Variants in CIITA observed in about 807,000 individuals in gnomAD.
CIITA encodes the protein MHC class II transactivator.
Under a neutral mutation model 115.1 loss-of-function variants are expected in CIITA, and 72 were observed. The ratio of observed to expected loss-of-function variants is 0.63; its 90% CI spans 0.52 to 0.76. The LOEUF (loss-of-function observed/expected upper bound fraction) is 0.76. CIITA is among the 30% of genes least tolerant of loss of function. The pLI is 0.00. For synonymous variants in CIITA, 763 were observed against 635.6 expected, an observed-to-expected ratio of 1.20 and a Z score of -3.02; for missense variants, 1,617 against 1,463.8, an observed-to-expected ratio of 1.10 and a Z score of -1.71.
At chr16:10,896,029 C>T (rs772790157) in intron 3 of CIITA, among the ~76,000 whole-genome samples, 12 of 152,174 alleles carry the variant, frequency 7.9e-5, no homozygotes, top group South Asian at 2.1e-4. Flanking sequence ...CATTTCTATA[C>T]GCATTTCTGC....
At chr16:10,889,412 C>G (rs182632681) in intron 1 of CIITA, among the ~76,000 whole-genome samples, 66 of 152,316 alleles carry the variant, frequency 4.3e-4, no homozygotes, top group Admixed American at 3.9e-3. Context: ...TTGACACCCT[C>G]TAATGTAATG....
At chr16:10,910,059 C>A (rs964745791) in intron 12 of CIITA, 129 bp from the exon 13 acceptor site, 2 of 740,736 alleles carry the variant, frequency 2.7e-6, no homozygotes, top group East Asian at 5.4e-5. Flanking sequence ...AAGAGGGGGA[C>A]AACAGTTGCC....
At position 10,918,475 on chromosome 16, in the gene CIITA, A is replaced by G. The variant is rs1567443606; in HGVS notation, c.3098A>G (p.Tyr1033Cys). The G allele has an allele frequency of 3.1e-6, 5 of 1,614,184 alleles. No individual in the cohort carries two copies. The highest frequency in any genetic ancestry group is 4.2e-6 in the Non-Finnish European group (5 of 1,180,022). The change falls in exon 16 of 20, where the codon TAC (tyrosine) becomes TGC (cysteine). Residue 1033 changes from tyrosine (Y) to cysteine (C), a missense_variant. Tyr to Cys is a radical substitution (Grantham distance 194). Coordinates refer to ENST00000324288, the MANE Select transcript of CIITA (RefSeq NM_000246.4). The part of the protein sequence containing the change: ...SQNNITDLGA[Y>C]KLAEALPSLA... ...AACAACATCACTGACCTGGGTGCCT[A>G]CAAACTCGCCGAGGCCCTGCCTTCG...
chr16:10,942,915 T>C lies in CIITA; in HGVS notation n.2041T>C, dbSNP rs1171373113. 2 of 152,216 alleles carry C rather than the reference T, an allele frequency of 1.3e-5. No homozygotes were observed. The highest frequency in any genetic ancestry group is 2.9e-5 in the Non-Finnish European group (2 of 68,046). The allele number at this position is 152,216 out of a possible 1,614,324, so 9.4% of individuals were successfully genotyped here. Reference sequence around the variant, plus strand: ...GATCCACCAGTGTCCCCTTCGCTTCTCCAAACTCTGGTTGCTGGAAGGTCC... The same window carrying C: ...GATCCACCAGTGTCCCCTTCGCTTCCCCAAACTCTGGTTGCTGGAAGGTCC... On this transcript the variant is annotated non_coding_transcript_exon_variant, in exon 2 of 2. Coordinates refer to the CIITA transcript ENST00000573379. The surrounding 1 kb of genome is among the most constrained non-coding windows in gnomAD (Gnocchi z 5.0).
chr16:10,895,660 T>C lies in CIITA; in HGVS notation c.200-9T>C, dbSNP rs778238111. ...TTTCCTTCTTCATCCAAGGGACTTT[T>C]CCTCCCAGAACCCGACACAGACACC... On this transcript the variant is annotated splice_polypyrimidine_tract_variant and intron_variant, in intron 2 of 19. Coordinates refer to ENST00000324288, the MANE Select transcript of CIITA (RefSeq NM_000246.4). The C allele has an allele frequency of 3.1e-6, 5 of 1,614,086 alleles. No homozygotes were observed. The East Asian group carries it at 1.1e-4, about 36-fold the overall frequency.
chr16:10,876,101 G>A (rs541437787), upstream of CIITA, among the ~76,000 whole-genome samples: 3 of 152,262 alleles, frequency 2.0e-5, no homozygotes, highest in South Asian at 4.1e-4. Flanking sequence ...AGGTTGCAGC[G>A]AGCCAAGATC....
At chr16:10,867,274 G>A (rs1000614404) in intron 1 of CIITA, among the ~76,000 whole-genome samples, 2 of 145,422 alleles carry the variant, frequency 1.4e-5, no homozygotes, top group African/African-American at 4.9e-5. Flanking sequence ...GGGGTGCAGA[G>A]AAAGGAGGAG....
intron 1 of CIITA, among the ~76,000 whole-genome samples, chr16:10,894,925 G>A (rs2037968458): frequency 6.6e-6 from 1 of 152,196 alleles, no homozygotes; most frequent in African/African-American, 2.4e-5. Flanking sequence ...TATTAAATGT[G>A]CCAGCTCATG....
chr16:10,906,253 G>A (rs1405528930), intron 10 of CIITA, among the ~76,000 whole-genome samples: 1 of 152,180 alleles, frequency 6.6e-6, no homozygotes, highest in Non-Finnish European at 1.5e-5. Flanking sequence ...CCAGCTACTT[G>A]GGAGGTGGAG....
chr16:10,895,418 G>C lies in CIITA; in HGVS notation c.189G>C (p.Glu63Asp). The change falls in exon 2 of 20, where the codon GAG (glutamate) becomes GAC (aspartate). Residue 63 changes from glutamate to aspartate, a missense_variant. Physicochemically the swap from Glu to Asp is conservative, Grantham distance 45 (BLOSUM62 2). Transcript: ENST00000324288. ...QMDLAGEEEIELYSEPDTDTI... is the reference protein window; with the variant it reads ...QMDLAGEEEIDLYSEPDTDTI... ...ACCTGGCTGGAGAAGAAGAGATTGA[G>C]CTCTACTCAGGTGGGCCCTCCTCCC... is the stretch of plus-strand genomic sequence containing the variant. 6.2e-7 allele frequency: 1 copy of C among 1,613,712 alleles called. No individual in the cohort carries two copies. Among genetic ancestry groups the C allele is most frequent in the Non-Finnish European group, 8.5e-7 (1 of 1,180,026 alleles).
At chr16:10,892,942 A>C (rs1380539951) in intron 1 of CIITA, among the ~76,000 whole-genome samples, 3 of 152,138 alleles carry the variant, frequency 2.0e-5, no homozygotes, top group Non-Finnish European at 2.9e-5. Flanking sequence ...AAAAGAAGGC[A>C]AAAAAAGAAT....
rs757009223 is a variant in CIITA, at chr16:10,907,134, C to A, written c.1642C>A (p.Arg548=). ...LRGCTLLLTA[R]PRGRLVQSLS... ...AGGTTGCACCCTCCTCCTCACAGCC[C>A]GGCCCCGGGGCCGCCTGGTCCAGAG... is the stretch of plus-strand genomic sequence containing the variant. Residue 548 remains arginine, a synonymous_variant, in exon 11 of 20, where the codon CGG becomes AGG. Transcript: ENST00000324288. The surrounding 1 kb of genome is among the most constrained non-coding windows in gnomAD (Gnocchi z 5.0). 2 of 1,612,338 alleles carry A rather than the reference C, an allele frequency of 1.2e-6. No homozygotes were observed. Among genetic ancestry groups the A allele is most frequent in the African/African-American group, 1.3e-5 (1 of 74,894 alleles).
At chr16:10,905,165 G>A (rs183912547) in intron 10 of CIITA, among the ~76,000 whole-genome samples, 118 of 152,282 alleles carry the variant, frequency 7.7e-4, no homozygotes, top group African/African-American at 2.7e-3. Flanking sequence ...ATAAACCAGT[G>A]AATAAGAGAA....
intron 1 of CIITA, among the ~76,000 whole-genome samples, chr16:10,887,979 TAAC>T (rs1382388543): frequency 6.6e-6 from 1 of 152,312 alleles, no homozygotes; most frequent in East Asian, 1.9e-4. Flanking sequence ...ATGGCTATAA[TAAC>T]AACAATCTCC....
intron 1 of CIITA, among the ~76,000 whole-genome samples, chr16:10,893,319 C>T (rs1159856199): frequency 1.3e-5 from 2 of 152,110 alleles, no homozygotes; most frequent in Non-Finnish European, 2.9e-5. Flanking sequence ...GAAACATGGA[C>T]CTGAACCACG....
chr16:10,922,429 G>A lies in CIITA; in HGVS notation c.3256G>A (p.Ala1086Thr). 6.2e-7 allele frequency: 1 copy of A among 1,614,228 alleles called. No individual in the cohort carries two copies. The highest frequency in any genetic ancestry group is 8.5e-7 in the Non-Finnish European group (1 of 1,180,044). Residue 1086 changes from alanine to threonine, a missense_variant, in exon 18 of 20, where the codon GCT becomes ACT. Physicochemically the swap from Ala to Thr is moderately conservative, Grantham distance 58. Coordinates refer to ENST00000324288, the MANE Select transcript of CIITA (RefSeq NM_000246.4). ...VMDVQYNKFT[A>T]AGAQQLAASL... Reference sequence around the variant, plus strand: ...CAGCGTCCAGTACAACAAGTTCACGGCTGCCGGGGCCCAGCAGCTCGCTGC... The same window carrying A: ...CAGCGTCCAGTACAACAAGTTCACGACTGCCGGGGCCCAGCAGCTCGCTGC...
At position 10,895,356 on chromosome 16, in the gene CIITA, G is replaced by T; in HGVS notation, c.127G>T (p.Asp43Tyr). 6.2e-7 allele frequency: 1 copy of T among 1,614,086 alleles called. No homozygotes were observed. The highest frequency in any genetic ancestry group is 8.5e-7 in the Non-Finnish European group (1 of 1,180,018). Residue 43 changes from aspartate to tyrosine, a missense_variant, in exon 2 of 20, where the codon GAC (aspartate) becomes TAC (tyrosine). Asp to Tyr is a radical substitution (Grantham distance 160). Coordinates refer to ENST00000324288, the MANE Select transcript of CIITA (RefSeq NM_000246.4). ...GYLELLNSDA[D>Y]PLCLYHFYDQ... ...CCTGGAGCTTCTTAACAGCGATGCT[G>T]ACCCCCTGTGCCTCTACCACTTCTA...
At chr16:10,882,753 C>A (rs777278445) in intron 1 of CIITA, among the ~76,000 whole-genome samples, 2 of 151,894 alleles carry the variant, frequency 1.3e-5, no homozygotes, top group African/African-American at 4.8e-5. Context: ...CAAAATTAGC[C>A]GGGTGTAGTG....
chr16:10,909,118 C>T lies in CIITA; in HGVS notation c.2747C>T (p.Thr916Ile). The T allele has an allele frequency of 6.2e-7, 1 of 1,614,184 alleles. No individual in the cohort carries two copies. The highest frequency in any genetic ancestry group is 8.5e-7 in the Non-Finnish European group (1 of 1,180,044). Residue 916 changes from threonine to isoleucine, a missense_variant, in exon 12 of 20, where the codon ACC (threonine) becomes ATC (isoleucine). Coordinates refer to ENST00000324288, the MANE Select transcript of CIITA (RefSeq NM_000246.4). Reference sequence around the variant, plus strand: ...CTTCAGGCAGCAGAGGAGAAGTTCACCATCGAGCCTTTCAAAGCCAAGTCC... The same window carrying T: ...CTTCAGGCAGCAGAGGAGAAGTTCATCATCGAGCCTTTCAAAGCCAAGTCC... Reference protein sequence around the residue: ...KLLQAAEEKFTIEPFKAKSLK... With the variant: ...KLLQAAEEKFIIEPFKAKSLK...
Sources: gnomAD v4.1 joint callset for allele counts (sites outside exome capture counted in the v4.1 genomes callset) on GRCh38, gnomAD v4.1.1 for gene constraint, Gnocchi (gnomAD v3.1) non-coding constraint, MANE v1.5 for transcripts, NCBI Gene and HGNC (gene_info 2026-07-23, HGNC 2026-07-21) for gene names.